LNPEP: variants seen among roughly 807,000 people sequenced by gnomAD.
LNPEP encodes leucyl-cystinyl aminopeptidase.
LNPEP carries 64 observed loss-of-function variants against 120.6 expected under a neutral mutation model. That is an observed-to-expected ratio of 0.53 (90% confidence interval 0.43 to 0.65). The LOEUF is 0.65. Ranked by LOEUF, LNPEP falls within the 30% of genes least tolerant of loss-of-function variation. The probability of loss-of-function intolerance (pLI) is 0.00; values close to 1 mark genes in which losing one functional copy is unlikely to be tolerated. For synonymous variants in LNPEP, 435 were observed against 425.4 expected (o/e 1.02, Z -0.28); for missense variants, 1,057 against 1,200.0 (o/e 0.88, Z 1.76).
chr5:97,028,789 C>G lies in LNPEP; in HGVS notation c.*256C>G. 3.1e-6 allele frequency: 1 copy of G among 325,252 alleles called. No homozygotes were observed. Among genetic ancestry groups the G allele is most frequent in the Non-Finnish European group, 5.7e-6 (1 of 174,256 alleles). The allele number at this position is 325,252 out of a possible 1,614,324, so 20.1% of individuals were successfully genotyped here. On this transcript the variant is annotated 3_prime_UTR_variant, in exon 18 of 18. Coordinates refer to ENST00000231368, the MANE Select transcript of LNPEP (RefSeq NM_005575.3). ...TCTACAAAAACAATGAGTAATTTTT[C>G]TACTTTGAAGATACACAGATGGGGA...
Position 96,979,847 on chromosome 5 carries a change from C to T in LNPEP, c.729C>T (p.Ile243=), listed in dbSNP as rs554423116. 1.1e-5 allele frequency: 18 copies of T among 1,613,996 alleles called. 1 individual carries two copies. The highest frequency in any genetic ancestry group is 9.9e-5 in the South Asian group (9 of 91,072). The change falls in exon 2 of 18, where the codon ATC becomes ATT. Residue 243 remains isoleucine, a synonymous_variant. Coordinates refer to ENST00000231368, the MANE Select transcript of LNPEP (RefSeq NM_005575.3). The part of the protein sequence containing the change: ...EILEYAYHGQ[I]AIVAPEALLA... ...TGGAATATGCATATCATGGACAGAT[C>T]GCCATTGTTGCCCCCGAAGCCCTTC...
intron 8 of LNPEP, among the ~76,000 whole-genome samples, chr5:96,998,385 A>G (rs1180643633): frequency 2.0e-5 from 3 of 152,096 alleles, no homozygotes; most frequent in Non-Finnish European, 4.4e-5. Context: ...ACCAGATCTT[A>G]TAGCGATGCA....
intron 13 of LNPEP, among the ~76,000 whole-genome samples, chr5:97,021,923 GTTTTTTTTTTT>G (rs1165456605): frequency 2.3e-4 from 13 of 57,172 alleles, no homozygotes; most frequent in Non-Finnish European, 4.0e-4. Flanking sequence ...TTTGTCTTTT[GTTTTTTTTTTT>G]TTTTTTTTTT....
chr5:97,022,515 CT>C (rs762009680), intron 14 of LNPEP, 31 bp downstream of exon 14: 20 of 1,528,512 alleles, frequency 1.3e-5, no homozygotes, highest in Non-Finnish European at 1.8e-5. Context: ...GATGAATTAT[CT>C]TCTTTTTCTT....
At chr5:96,943,638 G>C (rs1789113538) in intron 1 of LNPEP, among the ~76,000 whole-genome samples, 1 of 152,122 alleles carries the variant, frequency 6.6e-6, no homozygotes, top group South Asian at 2.1e-4. Flanking sequence ...TTCTACTGGT[G>C]CTTGTGATAG....
At chr5:97,022,600 T>C in intron 14 of LNPEP, 116 bp downstream of exon 14, 1 of 838,836 alleles carries the variant, frequency 1.2e-6, no homozygotes, top group Non-Finnish European at 1.9e-6. Context: ...AGTGTCAGTG[T>C]AGGTGAACTC....
chr5:96,998,603 C>T (rs1790573665), intron 8 of LNPEP, among the ~76,000 whole-genome samples: 1 of 152,104 alleles, frequency 6.6e-6, no homozygotes, highest in Admixed American at 6.6e-5. Flanking sequence ...AAAGAAAAAG[C>T]AGAATGTTAA....
intron 2 of LNPEP, among the ~76,000 whole-genome samples, chr5:96,983,704 C>T (rs1459835791): frequency 7.4e-4 from 112 of 152,196 alleles, no homozygotes; most frequent in East Asian, 1.9e-4. Flanking sequence ...ACCTTGGCCT[C>T]CCAAAGTGCT....
Position 96,993,946 on chromosome 5 carries a change from T to C in LNPEP, c.1382T>C (p.Ile461Thr). The change falls in exon 6 of 18, where the codon ATC becomes ACC. Residue 461 changes from isoleucine to threonine, a missense_variant. Transcript: ENST00000231368. Reference protein sequence around the residue: ...SMADRKLVTKIIAHELAHQWF... With the variant: ...SMADRKLVTKTIAHELAHQWF... ...GCGGATAGAAAGCTGGTGACTAAAATCATTGCTCATGAGCTGGCCCACCAG... is the reference window on the plus strand; with the variant it reads ...GCGGATAGAAAGCTGGTGACTAAAACCATTGCTCATGAGCTGGCCCACCAG... 1 of 1,613,896 alleles carries C rather than the reference T, an allele frequency of 6.2e-7. No individual in the cohort carries two copies. The highest frequency in any genetic ancestry group is 1.1e-5 in the South Asian group (1 of 91,076).
chr5:97,008,010 T>C (rs916126706), intron 11 of LNPEP, among the ~76,000 whole-genome samples: 5 of 152,132 alleles, frequency 3.3e-5, no homozygotes, highest in African/African-American at 1.2e-4. Context: ...ATCCTAGTGG[T>C]AGTTGGTAAT....
chr5:96,943,411 C>T (rs545902048), intron 1 of LNPEP, among the ~76,000 whole-genome samples: 14 of 152,222 alleles, frequency 9.2e-5, no homozygotes, highest in African/African-American at 2.4e-4. Flanking sequence ...CTCAGCCTCC[C>T]GAGTAACTGG....
chr5:97,029,296 A>G lies in LNPEP; in HGVS notation c.*763A>G, dbSNP rs531936607. 11 of 152,424 alleles carry G rather than the reference A, an allele frequency of 7.2e-5. No individual in the cohort carries two copies. The highest frequency in any genetic ancestry group is 2.6e-4 in the African/African-American group (11 of 41,576). The allele number at this position is 152,424 out of a possible 1,614,324, so 9.4% of individuals were successfully genotyped here. On this transcript the variant is annotated 3_prime_UTR_variant, in exon 18 of 18. Transcript: ENST00000231368. Reference sequence around the variant, plus strand: ...TCCAAACTGAGTTAGCTTTAATTATAATTATTTTATTCATAAATGGTGATA... The same window carrying G: ...TCCAAACTGAGTTAGCTTTAATTATGATTATTTTATTCATAAATGGTGATA...
At chr5:96,975,901 T>G (rs1176627972) in intron 1 of LNPEP, among the ~76,000 whole-genome samples, 1 of 152,168 alleles carries the variant, frequency 6.6e-6, no homozygotes, top group Non-Finnish European at 1.5e-5. Context: ...TTCAGTTCTC[T>G]TAGATTATAA....
At chr5:96,985,302 A>T in intron 3 of LNPEP, 84 bp downstream of exon 3, 2 of 1,121,836 alleles carry the variant, frequency 1.8e-6, no homozygotes, top group South Asian at 3.4e-5. Context: ...GCCAGACTAC[A>T]GTTGAGAATG....
intron 1 of LNPEP, among the ~76,000 whole-genome samples, chr5:96,973,240 G>A (rs950749811): frequency 6.6e-6 from 1 of 152,000 alleles, no homozygotes; most frequent in South Asian, 2.1e-4. Context: ...TTTAGCGGGG[G>A]TTGGGTAGTG....
At chr5:97,000,274 T>C (rs894974073) in intron 8 of LNPEP, among the ~76,000 whole-genome samples, 1 of 152,194 alleles carries the variant, frequency 6.6e-6, no homozygotes, top group South Asian at 2.1e-4. Context: ...GCATGAGGAA[T>C]GTGGTTTTCT....
At chr5:97,024,774 T>C (rs536326421) in intron 15 of LNPEP, 92 bp downstream of exon 15, 1 of 1,165,290 alleles carries the variant, frequency 8.6e-7, no homozygotes, top group South Asian at 1.5e-5. Context: ...GGGGATCTCT[T>C]TTCCCCACTT....
At chr5:96,967,991 TCTA>T (rs1196515055) in intron 1 of LNPEP, among the ~76,000 whole-genome samples, 1 of 152,098 alleles carries the variant, frequency 6.6e-6, no homozygotes, top group Admixed American at 6.6e-5. Context: ...TCCTAAACCT[TCTA>T]TCCTCAACTT....
chr5:96,950,078 C>T (rs1283727160), intron 1 of LNPEP, among the ~76,000 whole-genome samples: 1 of 152,054 alleles, frequency 6.6e-6, no homozygotes, highest in African/African-American at 2.4e-5. Context: ...TTATTGAGTA[C>T]TTGGAGTATT....
Sources: gnomAD v4.1 joint callset for allele counts (sites outside exome capture counted in the v4.1 genomes callset) on GRCh38, gnomAD v4.1.1 for gene constraint, MANE v1.5 for transcripts, NCBI Gene and HGNC (gene_info 2026-07-23, HGNC 2026-07-21) for gene names.